The following PAPPA2 variants were observed in gnomAD, a reference collection of about 807,000 sequenced individuals.
PAPPA2 encodes the protein pappalysin-2.
A neutral mutation model predicts 176.4 loss-of-function variants in PAPPA2; 86 were observed. The observed-to-expected ratio is 0.49, with a 90% confidence interval of 0.41 to 0.58. PAPPA2 has a LOEUF of 0.58. Among genes scored for constraint, PAPPA2 ranks in the 20% least tolerant of loss-of-function variants. PAPPA2 has a pLI of 0.00. For missense variants in PAPPA2, 2,073 were observed against 2,256.9 expected (o/e 0.92, Z 1.65); for synonymous variants, 809 against 852.2 (o/e 0.95, Z 0.88).
intron 12 of PAPPA2, among the ~76,000 whole-genome samples, chr1:176,726,544 A>G (rs1354079112): frequency 6.6e-6 from 1 of 152,204 alleles, no homozygotes; most frequent in Non-Finnish European, 1.5e-5. Context: ...AGAGGTAAAT[A>G]AGTAGGACTG....
chr1:176,488,334 A>G (rs1652737504), intron 1 of PAPPA2, among the ~76,000 whole-genome samples: 1 of 152,156 alleles, frequency 6.6e-6, no homozygotes, highest in South Asian at 2.1e-4. Flanking sequence ...TCTATCATCT[A>G]TCTATCCCCA....
chr1:176,581,901 T>TC (rs1449215811), intron 2 of PAPPA2, among the ~76,000 whole-genome samples: 2 of 140,826 alleles, frequency 1.4e-5, no homozygotes, highest in East Asian at 3.9e-4. Context: ...GATTTTTCTT[T>TC]TTTTCTTTCT....
chr1:176,820,820 A>G (rs191491074), intron 21 of PAPPA2, among the ~76,000 whole-genome samples: 3 of 152,092 alleles, frequency 2.0e-5, no homozygotes, highest in Admixed American at 2.0e-4. Flanking sequence ...AAAAGAAAAG[A>G]AAAGAGAAAA....
At chr1:176,476,794 A>G (rs1246726217) in intron 1 of PAPPA2, among the ~76,000 whole-genome samples, 1 of 152,232 alleles carries the variant, frequency 6.6e-6, no homozygotes, top group African/African-American at 2.4e-5. Context: ...ATGATTCTGT[A>G]TGTATAGGGA....
chr1:176,832,564 G>T (rs550012914), intron 21 of PAPPA2, among the ~76,000 whole-genome samples: 1 of 151,962 alleles, frequency 6.6e-6, no homozygotes, highest in East Asian at 1.9e-4. Flanking sequence ...TGTTGGCTAG[G>T]CTGGTCTCAA....
chr1:176,804,985 G>A (rs1285905451), intron 21 of PAPPA2, among the ~76,000 whole-genome samples: 2 of 151,968 alleles, frequency 1.3e-5, no homozygotes, highest in Non-Finnish European at 2.9e-5. Context: ...CATCTCCTGG[G>A]GTAATAATTG....
At chr1:176,536,248 T>C (rs1426994485) in intron 1 of PAPPA2, among the ~76,000 whole-genome samples, 5 of 152,202 alleles carry the variant, frequency 3.3e-5, no homozygotes, top group African/African-American at 1.2e-4. Context: ...GTGAGAAAGA[T>C]ATTTTGCCCT....
chr1:176,603,394 G>T (rs577296378), intron 3 of PAPPA2, among the ~76,000 whole-genome samples: 1 of 152,262 alleles, frequency 6.6e-6, no homozygotes, highest in Admixed American at 6.5e-5. Context: ...CCCTAACCAG[G>T]CCCTCTTTCC....
At chr1:176,566,276 G>A (rs1327776684) in intron 2 of PAPPA2, among the ~76,000 whole-genome samples, 1 of 152,120 alleles carries the variant, frequency 6.6e-6, no homozygotes, top group Non-Finnish European at 1.5e-5. Flanking sequence ...GGTGCAGGTG[G>A]GGGAAGGAGA....
intron 18 of PAPPA2, among the ~76,000 whole-genome samples, chr1:176,791,008 T>C (rs1665150399): frequency 6.6e-6 from 1 of 152,138 alleles, no homozygotes; most frequent in African/African-American, 2.4e-5. Context: ...TGAATCAGTG[T>C]AAAACAACAC....
At chr1:176,671,205 C>T (rs547802805) in intron 4 of PAPPA2, 90 bp downstream of exon 4, 7 of 1,532,420 alleles carry the variant, frequency 4.6e-6, no homozygotes, top group East Asian at 2.3e-5. Flanking sequence ...AAAAGAAAGA[C>T]AGAGAAAAAG....
intron 17 of PAPPA2, among the ~76,000 whole-genome samples, 168 bp from the exon 18 acceptor site, chr1:176,789,641 T>G (rs1034620135): frequency 1.8e-4 from 27 of 152,214 alleles, no homozygotes; most frequent in Admixed American, 1.3e-4. Context: ...CATTACTATT[T>G]TTAGTTCCAT....
intron 1 of PAPPA2, among the ~76,000 whole-genome samples, chr1:176,479,128 G>A (rs1217045604): frequency 1.3e-5 from 2 of 152,164 alleles, no homozygotes; most frequent in African/African-American, 4.8e-5. Context: ...AACCTGTCAG[G>A]TAGATACTAT....
At chr1:176,673,440 C>A (rs1205991500) in intron 4 of PAPPA2, among the ~76,000 whole-genome samples, 2 of 152,158 alleles carry the variant, frequency 1.3e-5, no homozygotes, top group Non-Finnish European at 2.9e-5. Flanking sequence ...ACACTCCCAT[C>A]ACCAAGAATA....
intron 1 of PAPPA2, among the ~76,000 whole-genome samples, chr1:176,527,892 T>C (rs1430043301): frequency 1.3e-5 from 2 of 152,212 alleles, no homozygotes; most frequent in African/African-American, 4.8e-5. Flanking sequence ...GGAACAGAGC[T>C]TCTGATGGAG....
intron 16 of PAPPA2, 88 bp downstream of exon 16, chr1:176,769,872 A>G (rs1253791153): frequency 3.0e-6 from 4 of 1,351,156 alleles, no homozygotes; most frequent in Non-Finnish European, 4.0e-6. Context: ...CGTTACCCCA[A>G]CACCTTTCCT....
Position 176,786,652 on chromosome 1 carries a change from G to A in PAPPA2, c.4716-3157G>A, listed in dbSNP as rs576425154. Among the ~76,000 whole-genome samples, 9 of 152,284 alleles carry A rather than the reference G, an allele frequency of 5.9e-5. No homozygotes were observed. In the South Asian group the frequency reaches 6.2e-4, roughly 11 times the overall value. On this transcript the variant is annotated intron_variant, in intron 17 of 22. Coordinates refer to ENST00000367662, the MANE Select transcript of PAPPA2 (RefSeq NM_020318.3). ...ACGCATTAATAAAACTGTGGAGCAC[G>A]CCAGGAACAGTCAGAGCCTGACGTG...
intron 14 of PAPPA2, 100 bp from the exon 15 acceptor site, chr1:176,765,566 T>C: frequency 8.7e-7 from 1 of 1,154,806 alleles, no homozygotes; most frequent in African/African-American, 1.5e-5. Context: ...AAAATTGTTC[T>C]CTCTGGTTTA....
chr1:176,660,697 A>G (rs1658314933), intron 3 of PAPPA2, among the ~76,000 whole-genome samples: 1 of 152,138 alleles, frequency 6.6e-6, no homozygotes, highest in African/African-American at 2.4e-5. Flanking sequence ...CACACTCTCC[A>G]AAACAGTGTC....
Sources: gnomAD v4.1 joint callset for allele counts (sites outside exome capture counted in the v4.1 genomes callset) on GRCh38, gnomAD v4.1.1 for gene constraint, MANE v1.5 for transcripts, NCBI Gene and HGNC (gene_info 2026-07-23, HGNC 2026-07-21) for gene names.